AQR: variants seen among roughly 807,000 people sequenced by gnomAD.
AQR encodes the protein aquarius intron-binding spliceosomal factor.
In AQR, 61 loss-of-function variants were observed where a neutral mutation model predicts 180.5. The observed-to-expected ratio is 0.34, with a 90% confidence interval of 0.28 to 0.42. The LOEUF (loss-of-function observed/expected upper bound fraction) is 0.42. AQR is among the 10% of genes least tolerant of loss of function. The probability of loss-of-function intolerance (pLI) is 1.00; values close to 1 mark genes in which losing one functional copy is unlikely to be tolerated. For missense variants in AQR, 1,281 were observed against 1,798.3 expected, an observed-to-expected ratio of 0.71 and a Z score of 5.20; for synonymous variants, 551 against 588.8, an observed-to-expected ratio of 0.94 and a Z score of 0.93.
At chr15:34,908,621 C>T (rs1203004727) in intron 17 of AQR, among the ~76,000 whole-genome samples, 2 of 152,086 alleles carry the variant, frequency 1.3e-5, no homozygotes, top group African/African-American at 2.4e-5. Context: ...CCTATCTTGC[C>T]CATCAAAATG....
chr15:34,877,632 G>A (rs1043484116), intron 27 of AQR, among the ~76,000 whole-genome samples: 7 of 152,064 alleles, frequency 4.6e-5, no homozygotes, highest in Admixed American at 1.3e-4. Context: ...TAAAAAGACC[G>A]CTTTCTGAAA....
intron 12 of AQR, among the ~76,000 whole-genome samples, chr15:34,927,857 C>T (rs1440663501): frequency 6.6e-6 from 1 of 152,148 alleles, no homozygotes; most frequent in African/African-American, 2.4e-5. Flanking sequence ...CACACAATGG[C>T]AAAATGACTC....
Position 34,857,874 on chromosome 15 carries a change from C to G in AQR, c.4144-768G>C, listed in dbSNP as rs557477368. 9.8e-5 allele frequency among the ~76,000 whole-genome samples: 15 copies of G among 152,344 alleles called. No homozygotes were observed. The South Asian group carries it at 3.1e-3, about 32-fold the overall frequency. On this transcript the variant is annotated intron_variant, in intron 34 of 34. Transcript: ENST00000156471. Reference sequence around the variant, plus strand: ...GTTTCTGTTCCGTTCAACCAGAAAACTGGAGCAACTCTATATGCTTAGCTT... The same window carrying G: ...GTTTCTGTTCCGTTCAACCAGAAAAGTGGAGCAACTCTATATGCTTAGCTT...
chr15:34,919,530 A>G (rs978173154), intron 14 of AQR, among the ~76,000 whole-genome samples: 4 of 152,202 alleles, frequency 2.6e-5, no homozygotes, highest in Non-Finnish European at 4.4e-5. Flanking sequence ...AATTTTAGGA[A>G]TAAAATTCTA....
intron 4 of AQR, among the ~76,000 whole-genome samples, chr15:34,951,635 C>A (rs1460170747): frequency 6.7e-6 from 1 of 149,160 alleles, no homozygotes; most frequent in African/African-American, 2.5e-5. Context: ...CGTGCCACTG[C>A]ACTCCAGCCT....
At chr15:34,943,653 G>A (rs1167907319) in intron 6 of AQR, among the ~76,000 whole-genome samples, 1 of 152,098 alleles carries the variant, frequency 6.6e-6, no homozygotes, top group African/African-American at 2.4e-5. Flanking sequence ...TCCTGCATGG[G>A]TGTAAGTGAA....
chr15:34,865,364 T>C, intron 32 of AQR, among the ~76,000 whole-genome samples: 1 of 152,118 alleles, frequency 6.6e-6, no homozygotes, highest in Admixed American at 6.6e-5. Flanking sequence ...CTCTGGCTAC[T>C]AAACAGCTCC....
intron 5 of AQR, 125 bp downstream of exon 5, chr15:34,948,139 C>T: frequency 7.5e-6 from 8 of 1,072,016 alleles, no homozygotes; most frequent in Non-Finnish European, 1.0e-5. Flanking sequence ...TTCTTTTTCT[C>T]AATATTTGCT....
chr15:34,900,577 T>C (rs750641390), intron 20 of AQR, 45 bp downstream of exon 20: 1 of 1,581,938 alleles, frequency 6.3e-7, no homozygotes. Context: ...TAACGTACAT[T>C]GACTACAGAA....
At chr15:34,969,119 AG>A (rs1401495343) in intron 1 of AQR, among the ~76,000 whole-genome samples, 7 of 152,142 alleles carry the variant, frequency 4.6e-5, no homozygotes, top group Non-Finnish European at 8.8e-5. Flanking sequence ...TCAAAAACTC[AG>A]GACACTCTAA....
chr15:34,918,810 G>C (rs766085968), intron 14 of AQR, among the ~76,000 whole-genome samples: 3 of 152,200 alleles, frequency 2.0e-5, no homozygotes, highest in Non-Finnish European at 2.9e-5. Context: ...TTGGACTATA[G>C]TTTTCATTCT....
chr15:34,900,961 C>T (rs903215644), intron 19 of AQR, 98 bp from the exon 20 acceptor site: 36 of 1,450,642 alleles, frequency 2.5e-5, no homozygotes, highest in Admixed American at 2.4e-4. Flanking sequence ...CCAGAATTCC[C>T]GAGTGTTTCA....
intron 3 of AQR, among the ~76,000 whole-genome samples, chr15:34,955,569 C>A (rs1475823190): frequency 6.6e-6 from 1 of 152,142 alleles, no homozygotes; most frequent in Non-Finnish European, 1.5e-5. Flanking sequence ...ACTTCCAGAT[C>A]TGTTAAGCAG....
Position 34,890,203 on chromosome 15 carries a change from C to T in AQR, c.2681+12G>A. ...TCCTTTTTTACACTGTTACTCACTC[C>T]CATTTGCTCACCTGCTGAAATCTTT... On this transcript the variant is annotated intron_variant, in intron 24 of 34. Coordinates refer to ENST00000156471, the MANE Select transcript of AQR (RefSeq NM_014691.3). 1.9e-6 allele frequency: 3 copies of T among 1,603,616 alleles called. No individual in the cohort carries two copies. Among genetic ancestry groups the T allele is most frequent in the Non-Finnish European group, 2.6e-6 (3 of 1,174,718 alleles).
chr15:34,881,785 A>G (rs905028738), intron 27 of AQR, among the ~76,000 whole-genome samples: 5 of 152,078 alleles, frequency 3.3e-5, no homozygotes, highest in Non-Finnish European at 7.4e-5. Context: ...TGTCTAATAG[A>G]TGAAAACCAC....
rs1447745659 is a variant in AQR at position 34,893,785 on chromosome 15, A to T, written c.2461-12T>A. 1 of 1,608,046 alleles carries T rather than the reference A, an allele frequency of 6.2e-7. No individual in the cohort carries two copies. The highest frequency in any genetic ancestry group is 1.3e-5 in the African/African-American group (1 of 74,756). Reference sequence around the variant, plus strand: ...GGTGGGCCCACAACCTAAAAAGAAGATGAACACATAGCAAACTACTAAGTC... The same window carrying T: ...GGTGGGCCCACAACCTAAAAAGAAGTTGAACACATAGCAAACTACTAAGTC... On this transcript the variant is annotated splice_polypyrimidine_tract_variant and intron_variant, in intron 22 of 34. Transcript: ENST00000156471.
intron 13 of AQR, among the ~76,000 whole-genome samples, 182 bp from the exon 14 acceptor site, chr15:34,920,616 CTCTCATTGTACCCA>C (rs1893669056): frequency 6.6e-6 from 1 of 152,110 alleles, no homozygotes; most frequent in African/African-American, 2.4e-5. Flanking sequence ...TTCTGCAAAC[CTCTCATTGTACCCA>C]AGATCCTTCT....
chr15:34,936,433 T>C (rs558430476), intron 9 of AQR, among the ~76,000 whole-genome samples: 4 of 152,290 alleles, frequency 2.6e-5, no homozygotes, highest in African/African-American at 9.6e-5. Flanking sequence ...TGATGTTTTC[T>C]GGCCAGGCGC....
intron 24 of AQR, among the ~76,000 whole-genome samples, chr15:34,889,755 C>T (rs1893114855): frequency 6.6e-6 from 1 of 152,180 alleles, no homozygotes; most frequent in African/African-American, 2.4e-5. Context: ...ACTGCAACCT[C>T]TGCCTCCCGG....
Sources: gnomAD v4.1 joint callset for allele counts (sites outside exome capture counted in the v4.1 genomes callset) on GRCh38, gnomAD v4.1.1 for gene constraint, MANE v1.5 for transcripts, NCBI Gene and HGNC (gene_info 2026-07-23, HGNC 2026-07-21) for gene names.